SNX14: variants seen among roughly 807,000 people sequenced by gnomAD.
The protein encoded by SNX14 is sorting nexin 14.
In SNX14, 93 loss-of-function variants were observed where a neutral mutation model predicts 133.8. The ratio of observed to expected loss-of-function variants is 0.70; its 90% CI spans 0.59 to 0.83. SNX14 has a LOEUF of 0.83. SNX14 is among the 40% of genes least tolerant of loss of function. The probability of loss-of-function intolerance (pLI) is 0.00; values close to 1 mark genes in which losing one functional copy is unlikely to be tolerated. For synonymous variants in SNX14, 368 were observed against 365.6 expected (o/e 1.01, Z -0.07); for missense variants, 945 against 1,094.9 (o/e 0.86, Z 1.93).
At chr6:85,542,132 G>GA in intron 14 of SNX14, 89 bp from the exon 15 acceptor site, 1 of 882,496 alleles carries the variant, frequency 1.1e-6, no homozygotes. Flanking sequence ...TCCAGTTTTG[G>GA]GAAAAAAAAA....
chr6:85,587,364 T>C (rs60437369), intron 1 of SNX14, among the ~76,000 whole-genome samples: 2,422 of 152,128 alleles, frequency 0.016, 71 homozygotes, highest in African/African-American at 0.055. Flanking sequence ...GATACAAATA[T>C]ACAAAACACA....
rs1779763487 is a variant in SNX14, at chr6:85,530,137, T to C, written c.1894+55A>G. The C allele has an allele frequency of 2.7e-6, 3 of 1,108,012 alleles. No homozygotes were observed. The Admixed American group carries it at 6.8e-5, about 25-fold the overall frequency. 68.6% of individuals were successfully genotyped at this position (1,108,012 alleles called of 1,614,324 possible). On this transcript the variant is annotated intron_variant, in intron 19 of 28. Coordinates refer to ENST00000314673, the MANE Select transcript of SNX14 (RefSeq NM_153816.6). ...TAAAAAAATTAATCTGGTGTCATAG[T>C]TTTAAAGAATGCTAATGCTGAAATG...
intron 1 of SNX14, among the ~76,000 whole-genome samples, chr6:85,585,821 G>T (rs1800644005): frequency 1.3e-5 from 2 of 151,932 alleles, no homozygotes; most frequent in Admixed American, 1.3e-4. Flanking sequence ...ACTGATTCAA[G>T]AAATAAATAA....
Position 85,572,725 on chromosome 6 carries a change from G to A in SNX14, c.262-351C>T, listed in dbSNP as rs182873519. 3.3e-3 allele frequency among the ~76,000 whole-genome samples: 507 copies of A among 152,294 alleles called. 2 individuals are homozygous for A. Among genetic ancestry groups the A allele is most frequent in the Non-Finnish European group, 4.1e-3 (276 of 68,020 alleles). Reference sequence around the variant, plus strand: ...TAATCCTAGCACTCTGGGAGACCGCGGTGAGTGGATGGCTTGAGCCCAGGA... The same window carrying A: ...TAATCCTAGCACTCTGGGAGACCGCAGTGAGTGGATGGCTTGAGCCCAGGA... On this transcript the variant is annotated intron_variant, in intron 2 of 28. Coordinates refer to ENST00000314673, the MANE Select transcript of SNX14 (RefSeq NM_153816.6).
intron 12 of SNX14, among the ~76,000 whole-genome samples, chr6:85,546,554 G>A (rs1348910293): frequency 6.6e-6 from 1 of 151,910 alleles, no homozygotes; most frequent in Non-Finnish European, 1.5e-5. Flanking sequence ...TCATTATACT[G>A]TACTTTTAGT....
chr6:85,593,532 C>A, intron 1 of SNX14, 47 bp downstream of exon 1: 2 of 1,574,054 alleles, frequency 1.3e-6, no homozygotes, highest in Non-Finnish European at 1.7e-6. Flanking sequence ...CGGGCGTCTG[C>A]ACCTTCGGAG....
intron 1 of SNX14, among the ~76,000 whole-genome samples, chr6:85,583,003 C>A (rs1799517592): frequency 6.6e-6 from 1 of 152,192 alleles, no homozygotes; most frequent in East Asian, 1.9e-4. Flanking sequence ...CCCTGATGAA[C>A]ATCGATGCGA....
In SNX14 at chr6:85,543,321, C is replaced by T; in HGVS notation, c.1265-15G>A. ...GCCTTCAGCAACTATTAAAAAAATT[C>T]TACTGTAGAAATTATTTATAAATAG... On this transcript the variant is annotated splice_polypyrimidine_tract_variant and intron_variant, in intron 13 of 28. Coordinates refer to ENST00000314673, the MANE Select transcript of SNX14 (RefSeq NM_153816.6). The T allele has an allele frequency of 3.2e-6, 5 of 1,548,306 alleles. No homozygotes were observed. The highest frequency in any genetic ancestry group is 4.3e-6 in the Non-Finnish European group (5 of 1,153,676).
chr6:85,583,221 A>T (rs1799594864), intron 1 of SNX14, among the ~76,000 whole-genome samples: 2 of 152,208 alleles, frequency 1.3e-5, no homozygotes, highest in African/African-American at 4.8e-5. Flanking sequence ...TTCATGCTAA[A>T]AACTATCAAT....
At chr6:85,529,936 T>C (rs1468305683) in intron 19 of SNX14, among the ~76,000 whole-genome samples, 2 of 152,176 alleles carry the variant, frequency 1.3e-5, no homozygotes, top group Non-Finnish European at 2.9e-5. Flanking sequence ...TTCTAAAATA[T>C]AGTTTTAAAA....
At chr6:85,535,813 C>G in intron 17 of SNX14, among the ~76,000 whole-genome samples, 1 of 151,936 alleles carries the variant, frequency 6.6e-6, no homozygotes, top group East Asian at 1.9e-4. Flanking sequence ...CTCCTGTCAC[C>G]CCACCTTTCC....
At chr6:85,565,277 CTT>C in intron 6 of SNX14, 53 bp downstream of exon 6, 2 of 1,158,208 alleles carry the variant, frequency 1.7e-6, no homozygotes, top group Admixed American at 5.0e-5. Context: ...TTTTAAATCT[CTT>C]TCATTAAATG....
Position 85,575,005 on chromosome 6 carries a change from C to A in SNX14, c.141-627G>T, listed in dbSNP as rs1012843414. 3.3e-5 allele frequency among the ~76,000 whole-genome samples: 5 copies of A among 152,060 alleles called. No homozygotes were observed. In the East Asian group the frequency reaches 9.6e-4, roughly 29 times the overall value. On this transcript the variant is annotated intron_variant, in intron 1 of 28. Coordinates refer to ENST00000314673, the MANE Select transcript of SNX14 (RefSeq NM_153816.6). The stretch of plus-strand genomic sequence containing the variant: ...GAAAAACTTAAAGGGTAAGTAGGAA[C>A]AAATAAACAGAAGAGGATAGGATAG...
intron 9 of SNX14, among the ~76,000 whole-genome samples, chr6:85,548,086 G>A (rs908661099): frequency 6.6e-6 from 1 of 152,176 alleles, no homozygotes; most frequent in Non-Finnish European, 1.5e-5. Context: ...GTTGCCAGGG[G>A]GGGCTGGAGG....
At chr6:85,571,977 T>G (rs1441891153) in intron 4 of SNX14, among the ~76,000 whole-genome samples, 160 bp downstream of exon 4, 2 of 152,242 alleles carry the variant, frequency 1.3e-5, no homozygotes, top group Non-Finnish European at 2.9e-5. Context: ...TCTAGCTTAC[T>G]ACTCAAGTTG....
At position 85,555,122 on chromosome 6, in the gene SNX14, C is replaced by T. The variant is rs542901530; in HGVS notation, c.634+2854G>A. Among the ~76,000 whole-genome samples, 321 of 152,270 alleles carry T rather than the reference C, an allele frequency of 2.1e-3. 1 individual carries two copies. Among genetic ancestry groups the T allele is most frequent in the Admixed American group, 5.6e-3 (85 of 15,288 alleles). On this transcript the variant is annotated intron_variant, in intron 7 of 28. Transcript: ENST00000314673. ...CCAATGTGATATATATACAACGTCA[C>T]TCTCATAGAGACAAAGCAATTTGGG...
chr6:85,567,604 AAAAT>A (rs1251428823), intron 4 of SNX14, 27 bp from the exon 5 acceptor site: 1 of 1,442,838 alleles, frequency 6.9e-7, no homozygotes, highest in Admixed American at 2.6e-5. Context: ...TTTTTAAAGA[AAAAT>A]AAAATTAATT....
intron 7 of SNX14, among the ~76,000 whole-genome samples, chr6:85,556,968 T>TG (rs1302118564): frequency 1.3e-5 from 2 of 152,240 alleles, no homozygotes; most frequent in Non-Finnish European, 2.9e-5. Flanking sequence ...TGATACTATG[T>TG]GGGGGGAAAA....
chr6:85,524,202 G>T (rs979019503), intron 21 of SNX14, among the ~76,000 whole-genome samples: 9 of 151,728 alleles, frequency 5.9e-5, no homozygotes, highest in African/African-American at 2.2e-4. Context: ...AAGAAAGAAA[G>T]AAAGAAAGAA....
Sources: allele counts gnomAD v4.1 joint callset (sites outside exome capture counted in the v4.1 genomes callset), GRCh38; gene constraint gnomAD v4.1.1; transcripts MANE v1.5; gene names NCBI Gene and HGNC (gene_info 2026-07-23, HGNC 2026-07-21).